NKAIN4: variants seen among roughly 807,000 people sequenced by gnomAD.
NKAIN4 encodes sodium/potassium-transporting ATPase subunit beta-1-interacting protein 4.
In NKAIN4, 28 loss-of-function variants were observed where a neutral mutation model predicts 28.8. The ratio of observed to expected loss-of-function variants is 0.97; its 90% CI spans 0.72 to 1.33. The LOEUF (loss-of-function observed/expected upper bound fraction) is 1.33. Ranked by LOEUF, NKAIN4 falls within the 40% of genes most tolerant of loss-of-function variation. NKAIN4 has a pLI of 0.00. For missense variants in NKAIN4, 289 were observed against 277.2 expected (o/e 1.04, Z -0.30); for synonymous variants, 122 against 115.6 (o/e 1.06, Z -0.36).
chr20:63,251,847 G>A (rs1421536343), intron 1 of NKAIN4, among the ~76,000 whole-genome samples: 1 of 152,084 alleles, frequency 6.6e-6, no homozygotes, highest in Non-Finnish European at 1.5e-5. Flanking sequence ...CTGGGCACCT[G>A]GGTGGCTAGC....
Position 63,247,793 on chromosome 20 carries a change from G to A in NKAIN4, c.274-18C>T. On this transcript the variant is annotated intron_variant, in intron 3 of 6. Coordinates refer to ENST00000370316, the MANE Select transcript of NKAIN4 (RefSeq NM_152864.4). ...TCGCTGTCCTAGGGGAGAGGTGCAG[G>A]AGCAGGGCCGGTTAGCACCAGGAGG... 2.1e-6 allele frequency: 3 copies of A among 1,434,378 alleles called. No individual in the cohort carries two copies. The highest frequency in any genetic ancestry group is 1.6e-5 in the South Asian group (1 of 62,614). 88.9% of individuals were successfully genotyped at this position (1,434,378 alleles called of 1,614,324 possible).
At chr20:63,247,204 C>T (rs1306432707) in intron 4 of NKAIN4, 8 of 1,166,832 alleles carry the variant, frequency 6.9e-6, no homozygotes, top group African/African-American at 1.6e-5. Context: ...AGGGAACAGG[C>T]GGGACACGCA....
chr20:63,251,136 G>C (rs150272245), intron 1 of NKAIN4, among the ~76,000 whole-genome samples: 9,627 of 151,902 alleles, frequency 0.063, 390 homozygotes, highest in Middle Eastern at 0.13. Flanking sequence ...GGGGGCCCTT[G>C]CCTGCCTGGC....
upstream of NKAIN4, chr20:63,254,600 C>A (rs954180959): frequency 1.5e-5 from 8 of 533,578 alleles, no homozygotes; most frequent in African/African-American, 3.9e-5. Context: ...GCCCCAGCCC[C>A]GGGTAACAGC....
At chr20:63,244,142 T>C (rs768701334) in intron 4 of NKAIN4, 58 bp from the exon 5 acceptor site, 95 of 1,535,280 alleles carry the variant, frequency 6.2e-5, no homozygotes, top group Admixed American at 2.3e-4. Context: ...TGGGGTGTCA[T>C]TGAGGCGATG....
chr20:63,244,943 C>T (rs565909727), intron 4 of NKAIN4, among the ~76,000 whole-genome samples: 4 of 152,190 alleles, frequency 2.6e-5, no homozygotes, highest in East Asian at 1.9e-4. Context: ...ACTCAGCAGC[C>T]GGGTGACCCC....
In NKAIN4 at chr20:63,244,084, G is replaced by C. The variant is rs1249528709; in HGVS notation, c.472C>G (p.Leu158Val). 1 of 1,613,530 alleles carries C rather than the reference G, an allele frequency of 6.2e-7. No individual in the cohort carries two copies. The highest frequency in any genetic ancestry group is 8.5e-7 in the Non-Finnish European group (1 of 1,179,734). ...LHSCLQILIALLGFVCGCQVV... is the reference protein window; with the variant it reads ...LHSCLQILIAVLGFVCGCQVV... ...TGGCAGCCACAGACAAAGCCCAGAA[G>C]CTGAAAGACACCACAGGCAGGGGCG... is the stretch of plus-strand genomic sequence containing the variant. The change falls in exon 5 of 7, where the codon CTT becomes GTT. Residue 158 changes from leucine to valine, a missense_variant and splice_region_variant. Transcript: ENST00000370316.
At chr20:63,248,706 T>A in intron 3 of NKAIN4, 109 bp downstream of exon 3, 1 of 730,838 alleles carries the variant, frequency 1.4e-6, no homozygotes, top group Non-Finnish European at 2.4e-6. Context: ...ATGCACAGAC[T>A]GAGCCCCTGC....
intron 1 of NKAIN4, chr20:63,254,067 C>G (rs958643449): frequency 3.0e-6 from 1 of 332,268 alleles, no homozygotes; most frequent in Non-Finnish European, 5.7e-6. Context: ...ACACGCCTCC[C>G]CAGGCGATGG....
intron 1 of NKAIN4, among the ~76,000 whole-genome samples, chr20:63,251,618 C>G (rs980442482): frequency 4.0e-5 from 6 of 150,242 alleles, no homozygotes; most frequent in Admixed American, 6.6e-5. Flanking sequence ...GGTCACTTCT[C>G]ACTATGTCCC....
rs2066976053 is a variant in NKAIN4, at chr20:63,252,380, G to A, written c.54+2017C>T. ...GCTCAGAGCCAGCAAAGTTCACACT[G>A]TTCTTTGGGGAGAAAGGCGCTCAGA... On this transcript the variant is annotated intron_variant, in intron 1 of 6. Transcript: ENST00000370316. This position sits in a 1 kb window ranked among gnomAD's most constrained non-coding sequence, Gnocchi z 4.6. Among the ~76,000 whole-genome samples the A allele has an allele frequency of 6.6e-6, 1 of 152,058 alleles. No homozygotes were observed. The highest frequency in any genetic ancestry group is 6.5e-5 in the Admixed American group (1 of 15,274).
chr20:63,246,009 G>T (rs761285950), intron 4 of NKAIN4, among the ~76,000 whole-genome samples: 6 of 151,346 alleles, frequency 4.0e-5, no homozygotes, highest in East Asian at 3.9e-4. Context: ...CTCACTGCAA[G>T]CTCTGCCTCC....
At chr20:63,247,178 G>A in intron 4 of NKAIN4, 1 of 1,129,980 alleles carries the variant, frequency 8.8e-7, no homozygotes, top group Non-Finnish European at 1.1e-6. Flanking sequence ...TGACCGGCAT[G>A]GGCTCGGGGC....
At chr20:63,251,493 T>G (rs1329434859) in intron 1 of NKAIN4, among the ~76,000 whole-genome samples, 2 of 152,184 alleles carry the variant, frequency 1.3e-5, no homozygotes, top group Non-Finnish European at 2.9e-5. Flanking sequence ...AGGCTACCGC[T>G]AGACCACGGT....
intron 1 of NKAIN4, among the ~76,000 whole-genome samples, chr20:63,251,436 C>T (rs1045044543): frequency 6.6e-6 from 1 of 152,136 alleles, no homozygotes; most frequent in Non-Finnish European, 1.5e-5. Context: ...GAAAGGGAGA[C>T]TCCCTTTCCC....
chr20:63,247,553 C>A (rs199770652), intron 4 of NKAIN4, 25 bp downstream of exon 4: 2 of 1,546,388 alleles, frequency 1.3e-6, no homozygotes, highest in Admixed American at 3.9e-5. Flanking sequence ...CATCCCCACC[C>A]GGGGGCCCCC....
At position 63,241,276 on chromosome 20, in the gene NKAIN4, T is replaced by A; in HGVS notation, c.*221A>T. The A allele has an allele frequency of 1.9e-5, 10 of 529,990 alleles. No individual in the cohort carries two copies. Among genetic ancestry groups the A allele is most frequent in the South Asian group, 5.1e-5 (2 of 39,366 alleles). 32.8% of individuals were successfully genotyped at this position (529,990 alleles called of 1,614,324 possible). On this transcript the variant is annotated 3_prime_UTR_variant, in exon 7 of 7. Transcript: ENST00000370316. ...TATGTTTTCTTTTCTTTTTTTTTTT[T>A]AAGAGAAAGGAAATTACAAACTCTC...
chr20:63,250,074 T>C lies in NKAIN4; in HGVS notation c.55-2A>G. 6.4e-7 allele frequency: 1 copy of C among 1,566,482 alleles called. No individual in the cohort carries two copies. Among genetic ancestry groups the C allele is most frequent in the Non-Finnish European group, 8.6e-7 (1 of 1,156,692 alleles). ...CACCTGCCTCTCCAGGGCGGCGACC[T>C]AGGAGCAGGGCGGGCGCCATGAAGG... On this transcript the variant is annotated splice_acceptor_variant, in intron 1 of 6. Transcript: ENST00000370316. LOFTEE classifies it high-confidence loss of function.
In NKAIN4 at chr20:63,254,070, G is replaced by C. The variant is rs552176152; in HGVS notation, c.54+327C>G. ...ACCCGGGGCCACACACGCCTCCCCA[G>C]GCGATGGGGTCCAGGCGGCCCCGCC... On this transcript the variant is annotated intron_variant, in intron 1 of 6. Transcript: ENST00000370316. 317 of 342,338 alleles carry C rather than the reference G, an allele frequency of 9.3e-4. 1 individual carries two copies. The highest frequency in any genetic ancestry group is 6.3e-3 in the African/African-American group (282 of 44,934). 21.2% of individuals were successfully genotyped at this position (342,338 alleles called of 1,614,324 possible). A position where few individuals can be genotyped will look rare whatever the true frequency, so the allele number is the denominator to read the frequency against.
Sources: gnomAD v4.1 joint callset for allele counts (sites outside exome capture counted in the v4.1 genomes callset) on GRCh38, gnomAD v4.1.1 for gene constraint, Gnocchi (gnomAD v3.1) non-coding constraint, MANE v1.5 for transcripts, NCBI Gene and HGNC (gene_info 2026-07-23, HGNC 2026-07-21) for gene names.